The following SCMH1 variants were observed in gnomAD, a reference collection of about 807,000 sequenced individuals.
SCMH1 encodes the protein Scm polycomb group protein homolog 1.
In SCMH1, 37 loss-of-function variants were observed where a neutral mutation model predicts 70.8. The observed-to-expected ratio is 0.52, with a 90% CI of 0.40 to 0.69. SCMH1 has a LOEUF of 0.69. Ranked by LOEUF, SCMH1 falls within the 30% of genes least tolerant of loss-of-function variation. The pLI, the probability that SCMH1 is intolerant of heterozygous loss-of-function variation, is 0.00. For missense variants in SCMH1, 607 were observed against 827.3 expected, an observed-to-expected ratio of 0.73 and a Z score of 3.27; for synonymous variants, 292 against 307.4, an observed-to-expected ratio of 0.95 and a Z score of 0.52.
intron 1 of SCMH1, among the ~76,000 whole-genome samples, chr1:41,190,703 T>C (rs768329948): frequency 1.3e-5 from 2 of 152,164 alleles, no homozygotes; most frequent in African/African-American, 4.8e-5. Flanking sequence ...TATACAAATA[T>C]ATACAATACC....
intron 13 of SCMH1, among the ~76,000 whole-genome samples, chr1:41,031,719 G>A (rs1167094730): frequency 9.2e-5 from 14 of 152,220 alleles, no homozygotes; most frequent in Non-Finnish European, 1.9e-4. Context: ...GGAGAACAGA[G>A]AGAAGATATG....
At chr1:41,130,858 A>AT (rs1301532414) in intron 6 of SCMH1, among the ~76,000 whole-genome samples, 1 of 152,042 alleles carries the variant, frequency 6.6e-6, no homozygotes, top group East Asian at 1.9e-4. Context: ...GGATTTGGCT[A>AT]TTTTTTCCCA....
intron 8 of SCMH1, among the ~76,000 whole-genome samples, chr1:41,086,124 C>T (rs1661590096): frequency 6.6e-6 from 1 of 152,126 alleles, no homozygotes; most frequent in Non-Finnish European, 1.5e-5. Flanking sequence ...CAAGCATGAG[C>T]CACCACGCCC....
intron 1 of SCMH1, among the ~76,000 whole-genome samples, chr1:41,197,801 A>G (rs1653384684): frequency 6.6e-6 from 1 of 152,192 alleles, no homozygotes; most frequent in Non-Finnish European, 1.5e-5. Flanking sequence ...CAAGAAATCC[A>G]ATCTTGAGCC....
At chr1:41,177,047 A>C (rs1647203251) in intron 2 of SCMH1, among the ~76,000 whole-genome samples, 1 of 152,212 alleles carries the variant, frequency 6.6e-6, no homozygotes, top group Admixed American at 6.5e-5. Context: ...CAAAACTTCC[A>C]GAGGAACGAT....
At chr1:41,086,332 G>GT (rs1661667260) in intron 8 of SCMH1, among the ~76,000 whole-genome samples, 1 of 152,090 alleles carries the variant, frequency 6.6e-6, no homozygotes, top group Admixed American at 6.6e-5. Flanking sequence ...GTTAGATAAT[G>GT]TAACAGAGGC....
chr1:41,042,913 GA>G (rs760438207), intron 12 of SCMH1, among the ~76,000 whole-genome samples: 2 of 149,446 alleles, frequency 1.3e-5, no homozygotes, highest in Non-Finnish European at 3.0e-5. Context: ...GTGAAAGATA[GA>G]AAAAAAAAGG....
intron 1 of SCMH1, among the ~76,000 whole-genome samples, chr1:41,228,364 C>T (rs760909922): frequency 2.0e-5 from 3 of 152,118 alleles, no homozygotes; most frequent in Non-Finnish European, 4.4e-5. Flanking sequence ...AGCAATGTGA[C>T]TATACTTAGT....
chr1:41,104,893 G>A (rs957855989), intron 8 of SCMH1, among the ~76,000 whole-genome samples: 11 of 152,076 alleles, frequency 7.2e-5, no homozygotes, highest in Non-Finnish European at 1.5e-4. Context: ...AAATCTTAGT[G>A]CCCTGTGCCA....
At chr1:41,097,960 G>A (rs976581833) in intron 8 of SCMH1, among the ~76,000 whole-genome samples, 61 of 152,094 alleles carry the variant, frequency 4.0e-4, no homozygotes, top group Non-Finnish European at 1.3e-4. Context: ...TTTTTGGAAC[G>A]ATTCTTTTTC....
chr1:41,137,288 T>C (rs766881744), intron 6 of SCMH1, among the ~76,000 whole-genome samples: 2 of 152,240 alleles, frequency 1.3e-5, no homozygotes, highest in Non-Finnish European at 2.9e-5. Context: ...TTTAATTATA[T>C]CTCAAAATTC....
chr1:41,146,654 T>G (rs1051825377), intron 5 of SCMH1, among the ~76,000 whole-genome samples: 1 of 152,212 alleles, frequency 6.6e-6, no homozygotes, highest in African/African-American at 2.4e-5. Context: ...TGGACAGTTT[T>G]GTAGCCTAGG....
chr1:41,224,582 T>A (rs1659907120), intron 1 of SCMH1, among the ~76,000 whole-genome samples: 1 of 152,170 alleles, frequency 6.6e-6, no homozygotes, highest in African/African-American at 2.4e-5. Context: ...AACACTCAGG[T>A]CAATCTACTA....
In SCMH1 at chr1:41,181,039, C is replaced by T. The variant is rs575381158; in HGVS notation, c.13+5082G>A. 5.3e-5 allele frequency among the ~76,000 whole-genome samples: 8 copies of T among 152,180 alleles called. No individual in the cohort carries two copies. In the East Asian group the frequency reaches 9.7e-4, roughly 18 times the overall value. ...AACAGAATAGAGCCCTCAGAAATAACGCCGCATATCTACAACCATCTGATC... is the reference window on the plus strand; with the variant it reads ...AACAGAATAGAGCCCTCAGAAATAATGCCGCATATCTACAACCATCTGATC... On this transcript the variant is annotated intron_variant, in intron 2 of 14. Transcript: ENST00000337495.
chr1:41,205,488 T>A (rs564988407), intron 1 of SCMH1, among the ~76,000 whole-genome samples: 6 of 152,298 alleles, frequency 3.9e-5, no homozygotes, highest in Non-Finnish European at 7.4e-5. Context: ...GGCTCTCAGC[T>A]CTGAAGGCTG....
intron 2 of SCMH1, among the ~76,000 whole-genome samples, chr1:41,165,258 C>A (rs1646337394): frequency 1.3e-5 from 2 of 151,944 alleles, no homozygotes; most frequent in Admixed American, 6.6e-5. Context: ...GTATATATAC[C>A]ACATTTTTAA....
intron 2 of SCMH1, among the ~76,000 whole-genome samples, chr1:41,185,337 C>T (rs373785259): frequency 6.6e-6 from 1 of 152,120 alleles, no homozygotes; most frequent in East Asian, 1.9e-4. Flanking sequence ...AGGCTCACAC[C>T]ACCACGACTG....
intron 1 of SCMH1, among the ~76,000 whole-genome samples, chr1:41,211,851 T>C (rs527430176): frequency 3.7e-4 from 56 of 151,322 alleles, no homozygotes; most frequent in African/African-American, 1.3e-3. Flanking sequence ...AAAGGGTGAG[T>C]TCATGTCCTT....
chr1:41,115,084 T>C (rs1228236742), intron 7 of SCMH1, among the ~76,000 whole-genome samples: 1 of 152,210 alleles, frequency 6.6e-6, no homozygotes, highest in Non-Finnish European at 1.5e-5. Context: ...TACAATTCCA[T>C]TGCTATCATA....
Sources: gnomAD v4.1 joint callset for allele counts (sites outside exome capture counted in the v4.1 genomes callset) on GRCh38, gnomAD v4.1.1 for gene constraint, MANE v1.5 for transcripts, NCBI Gene and HGNC (gene_info 2026-07-23, HGNC 2026-07-21) for gene names.